MX2: variants seen among roughly 807,000 people sequenced by gnomAD.
The protein encoded by MX2 is MX dynamin like GTPase 2, also known as interferon-induced GTP-binding protein Mx2.
A neutral mutation model predicts 74.0 loss-of-function variants in MX2; 51 were observed. That is an observed-to-expected ratio of 0.69 (90% confidence interval 0.55 to 0.87). The LOEUF (loss-of-function observed/expected upper bound fraction) is 0.87. MX2 is among the 40% of genes least tolerant of loss of function. The pLI is 0.00. For missense variants in MX2, 832 were observed against 908.7 expected, an observed-to-expected ratio of 0.92 and a Z score of 1.09; for synonymous variants, 369 against 339.3, an observed-to-expected ratio of 1.09 and a Z score of -0.96.
At position 41,408,196 on chromosome 21, in the gene MX2, A is replaced by T. The variant is rs1357909528; in HGVS notation, c.2111A>T (p.His704Leu). 2 of 1,614,102 alleles carry T rather than the reference A, an allele frequency of 1.2e-6. No homozygotes were observed. Among genetic ancestry groups the T allele is most frequent in the Non-Finnish European group, 1.7e-6 (2 of 1,180,042 alleles). The change falls in exon 14 of 14, where the codon CAC becomes CTC. Residue 704 changes from histidine (H) to leucine (L), a missense_variant. Coordinates refer to ENST00000330714, the MANE Select transcript of MX2 (RefSeq NM_002463.2). ...ERIYRLTQAR[H>L]ALCQFSSKEI... is the part of the protein sequence containing the mutation. ...ATTTACCGGCTCACTCAGGCGCGAC[A>T]CGCACTCTGTCAATTCTCCAGCAAA...
In MX2 at chr21:41,380,022, G is replaced by A. The variant is rs373424015; in HGVS notation, c.448G>A (p.Val150Ile). Reference sequence around the variant, plus strand: ...TTGGGGAACCTCTCGCTCAGGAATCGTAACCAGGTGTCCGCTGGTGCTGAA... The same window carrying A: ...TTGGGGAACCTCTCGCTCAGGAATCATAACCAGGTGTCCGCTGGTGCTGAA... ...GVALPRGSGIVTRCPLVLKLK... is the reference protein window; with the variant it reads ...GVALPRGSGIITRCPLVLKLK... Residue 150 changes from valine to isoleucine, a missense_variant, in exon 4 of 14, where the codon GTA (valine) becomes ATA (isoleucine). Transcript: ENST00000330714. The surrounding 1 kb of genome is among the most constrained non-coding windows in gnomAD (Gnocchi z 4.3). 1.4e-5 allele frequency: 23 copies of A among 1,613,814 alleles called. No homozygotes were observed. The highest frequency in any genetic ancestry group is 1.6e-4 in the Middle Eastern group (1 of 6,076).
chr21:41,395,885 A>T (rs1376297302), intron 7 of MX2, 100 bp downstream of exon 7: 15 of 1,181,000 alleles, frequency 1.3e-5, no homozygotes, highest in Non-Finnish European at 1.7e-5. Context: ...CACAAATTAC[A>T]CAAGGTAGTA....
At chr21:41,391,971 T>C (rs1424828948) in intron 6 of MX2, among the ~76,000 whole-genome samples, 2 of 152,176 alleles carry the variant, frequency 1.3e-5, no homozygotes, top group Non-Finnish European at 2.9e-5. Context: ...TTTTTTCTGA[T>C]CCTCTCCCTC....
rs527745750 is a variant in MX2 at position 41,399,289 on chromosome 21, G to A, written c.1366G>A (p.Glu456Lys). 6.2e-7 allele frequency: 1 copy of A among 1,614,058 alleles called. No individual in the cohort carries two copies. The highest frequency in any genetic ancestry group is 1.3e-5 in the African/African-American group (1 of 75,054). Residue 456 changes from glutamate to lysine, a missense_variant, in exon 10 of 14, where the codon GAG becomes AAG. By Grantham distance (56) the Glu-to-Lys change is moderately conservative (BLOSUM62 1). Transcript: ENST00000330714. The stretch of plus-strand genomic sequence containing the variant: ...GACCCGTTTATACAACAAAATCAGA[G>A]AGGATTTTAAAAACTGGGTAGGCAT... ...NETRLYNKIR[E>K]DFKNWVGILA...
intron 6 of MX2, among the ~76,000 whole-genome samples, chr21:41,392,464 G>GT (rs2089673072): frequency 6.6e-6 from 1 of 152,138 alleles, no homozygotes; most frequent in Non-Finnish European, 1.5e-5. Context: ...TAGGGTAGTC[G>GT]GACTCATACA....
At chr21:41,401,005 C>G (rs1031160248) in intron 10 of MX2, 1 of 152,290 alleles carries the variant, frequency 6.6e-6, no homozygotes, top group Non-Finnish European at 1.5e-5. Flanking sequence ...CTGCTCCCAG[C>G]CCCTAAACAC....
rs781267325 is a variant in MX2 at position 41,395,660 on chromosome 21, G to A, written c.945G>A (p.Thr315=). 8.1e-6 allele frequency: 13 copies of A among 1,614,032 alleles called. No individual in the cohort carries two copies. Among genetic ancestry groups the A allele is most frequent in the African/African-American group, 5.3e-5 (4 of 74,906 alleles). The part of the protein sequence containing the change: ...KSVMNVVRNL[T]YPLKKGYMIV... ...TCATGAATGTGGTGCGGAACCTCAC[G>A]TACCCCCTCAAGAAGGGCTACATGA... The change falls in exon 7 of 14, where the codon ACG becomes ACA. Residue 315 remains threonine (T), a synonymous_variant. Coordinates refer to ENST00000330714, the MANE Select transcript of MX2 (RefSeq NM_002463.2).
intron 5 of MX2, among the ~76,000 whole-genome samples, chr21:41,383,126 A>G (rs1453982551): frequency 1.3e-5 from 2 of 152,202 alleles, no homozygotes; most frequent in African/African-American, 4.8e-5. Flanking sequence ...TGGGAGGCCA[A>G]GGCAGGAGGA....
chr21:41,372,255 C>T (rs2089335592), intron 1 of MX2, among the ~76,000 whole-genome samples: 1 of 152,184 alleles, frequency 6.6e-6, no homozygotes, highest in African/African-American at 2.4e-5. Flanking sequence ...GACCAATATG[C>T]ATTGCATGTA....
chr21:41,372,677 G>A (rs1374701458), intron 1 of MX2, among the ~76,000 whole-genome samples: 2 of 152,124 alleles, frequency 1.3e-5, no homozygotes, highest in Admixed American at 1.3e-4. Flanking sequence ...TTTTTGATGT[G>A]AACAATCACA....
At chr21:41,373,513 T>C (rs991105350) in intron 1 of MX2, among the ~76,000 whole-genome samples, 9 of 152,084 alleles carry the variant, frequency 5.9e-5, no homozygotes, top group African/African-American at 2.2e-4. Context: ...CCGAGGCCCT[T>C]TGGAGTTGTG....
Position 41,380,156 on chromosome 21 carries a change from GC to G in MX2, c.577+8del, listed in dbSNP as rs1568936901. ...TGGAGAAAGAGATACACAAAGGTGG[GC>G]CCACGTCATTCTGAGGTTCGGATCT... is the stretch of plus-strand genomic sequence containing the variant. On this transcript the variant is annotated splice_donor_region_variant and intron_variant, in intron 4 of 13. Transcript: ENST00000330714. The surrounding 1 kb of genome is among the most constrained non-coding windows in gnomAD (Gnocchi z 4.3). 6.2e-7 allele frequency: 1 copy of G among 1,613,642 alleles called. No homozygotes were observed. Among genetic ancestry groups the G allele is most frequent in the South Asian group, 1.1e-5 (1 of 91,062 alleles).
Position 41,397,689 on chromosome 21 carries a change from C to T in MX2, c.1147C>T (p.Gln383Ter). The T allele has an allele frequency of 6.2e-7, 1 of 1,613,828 alleles. No homozygotes were observed. Among genetic ancestry groups the T allele is most frequent in the Non-Finnish European group, 8.5e-7 (1 of 1,179,750 alleles). Reference protein sequence around the residue: ...RLTTELIMHIQKSLPLLEGQI... With the variant: ...RLTTELIMHI ...TACCACTGAACTCATCATGCATATC[C>T]AAGTGAGCCACGTGGGTTGGGTGAC... Residue 383 changes from glutamine (Q) to a stop codon, truncating the protein, a stop_gained and splice_region_variant, in exon 8 of 14, where the codon CAA becomes TAA. Transcript: ENST00000330714. LOFTEE classifies it high-confidence loss of function.
At chr21:41,376,750 TG>T in intron 1 of MX2, 85 bp from the exon 2 acceptor site, 1 of 957,330 alleles carries the variant, frequency 1.0e-6, no homozygotes, top group Non-Finnish European at 1.6e-6. Flanking sequence ...GGTTGTAGGG[TG>T]GGGTGAGGAG....
intron 7 of MX2, among the ~76,000 whole-genome samples, chr21:41,396,846 C>T (rs1360197347): frequency 6.6e-6 from 1 of 152,196 alleles, no homozygotes; most frequent in Non-Finnish European, 1.5e-5. Flanking sequence ...GCAGCAGACT[C>T]TCTGGAGAGT....
chr21:41,386,240 AAAAAAAAAAC>A (rs1568940255), intron 5 of MX2, among the ~76,000 whole-genome samples: 1 of 150,766 alleles, frequency 6.6e-6, no homozygotes, highest in African/African-American at 2.4e-5. Flanking sequence ...AAAAAAAAAA[AAAAAAAAAAC>A]AAATCTGCAA....
chr21:41,379,578 C>G (rs1017999220), intron 3 of MX2, among the ~76,000 whole-genome samples: 2 of 152,178 alleles, frequency 1.3e-5, no homozygotes, highest in East Asian at 3.9e-4. Flanking sequence ...TCCCCCACCC[C>G]CCACACTAAC....
intron 9 of MX2, 25 bp downstream of exon 9, chr21:41,399,044 G>A (rs184554392): frequency 2.7e-5 from 44 of 1,607,208 alleles, no homozygotes; most frequent in Middle Eastern, 3.3e-4. Flanking sequence ...AGGACTCCAC[G>A]TGACACTGCA....
At chr21:41,407,721 G>T (rs2089905616) in intron 13 of MX2, among the ~76,000 whole-genome samples, 1 of 152,160 alleles carries the variant, frequency 6.6e-6, no homozygotes, top group Non-Finnish European at 1.5e-5. Context: ...CCAGCAGGGA[G>T]GAGCTGTGGG....
Sources: allele counts gnomAD v4.1 joint callset (sites outside exome capture counted in the v4.1 genomes callset), GRCh38; gene constraint gnomAD v4.1.1; non-coding constraint Gnocchi (gnomAD v3.1); transcripts MANE v1.5; gene names NCBI Gene and HGNC (gene_info 2026-07-23, HGNC 2026-07-21).